The following FBXL17 variants were observed in gnomAD, a reference collection of about 807,000 sequenced individuals.
The protein encoded by FBXL17 is F-box and leucine rich repeat protein 17.
In FBXL17, 22 loss-of-function variants were observed where a neutral mutation model predicts 66.2. The ratio of observed to expected loss-of-function variants is 0.33; its 90% CI spans 0.24 to 0.47. FBXL17 has a LOEUF of 0.47. Ranked by LOEUF, FBXL17 falls within the 20% of genes least tolerant of loss-of-function variation. The pLI is 1.00. For missense variants in FBXL17, 878 were observed against 948.2 expected, an observed-to-expected ratio of 0.93 and a Z score of 0.97; for synonymous variants, 474 against 400.5, an observed-to-expected ratio of 1.18 and a Z score of -2.19.
intron 7 of FBXL17, among the ~76,000 whole-genome samples, chr5:107,980,664 A>ATATATTTTTT: frequency 3.2e-5 from 2 of 62,078 alleles, no homozygotes; most frequent in East Asian, 1.1e-3. Flanking sequence ...ATATATATAT[A>ATATATTTTTT]TTTTTTTTTT....
intron 7 of FBXL17, among the ~76,000 whole-genome samples, chr5:108,016,688 T>C (rs1468337587): frequency 6.6e-6 from 1 of 152,142 alleles, no homozygotes; most frequent in Non-Finnish European, 1.5e-5. Flanking sequence ...CAGGCCTGAG[T>C]GACACAGGTT....
intron 7 of FBXL17, among the ~76,000 whole-genome samples, chr5:107,891,563 T>C (rs1749197929): frequency 6.6e-6 from 1 of 152,088 alleles, no homozygotes; most frequent in Non-Finnish European, 1.5e-5. Context: ...GGGTTGAATT[T>C]TGAATCAATT....
chr5:107,970,628 G>A (rs754441092), intron 7 of FBXL17, among the ~76,000 whole-genome samples: 3 of 152,240 alleles, frequency 2.0e-5, no homozygotes, highest in Non-Finnish European at 2.9e-5. Flanking sequence ...CTCTCTCTGC[G>A]TGCCTGGTAG....
At chr5:107,982,254 GTACTT>G (rs1225105722) in intron 7 of FBXL17, among the ~76,000 whole-genome samples, 3 of 151,956 alleles carry the variant, frequency 2.0e-5, no homozygotes, top group Non-Finnish European at 4.4e-5. Flanking sequence ...AAGGATAACT[GTACTT>G]TAAGGTACAT....
intron 6 of FBXL17, among the ~76,000 whole-genome samples, chr5:108,116,118 AAAAAG>A (rs1750237656): frequency 6.6e-6 from 1 of 152,212 alleles, no homozygotes; most frequent in Non-Finnish European, 1.5e-5. Flanking sequence ...GTAGTAAACA[AAAAAG>A]AAAACAGAAA....
At chr5:108,138,368 ACT>A (rs560159697) in intron 6 of FBXL17, among the ~76,000 whole-genome samples, 2 of 151,820 alleles carry the variant, frequency 1.3e-5, no homozygotes, top group African/African-American at 2.4e-5. Context: ...AGAATTTAAA[ACT>A]CTCTCTCTTT....
chr5:108,254,969 C>A (rs114544891), intron 4 of FBXL17, among the ~76,000 whole-genome samples: 1 of 152,062 alleles, frequency 6.6e-6, no homozygotes, highest in Admixed American at 6.6e-5. Context: ...TACGTATCTA[C>A]GATGCTGGAA....
chr5:107,951,551 A>G (rs1337439343), intron 7 of FBXL17, among the ~76,000 whole-genome samples: 4 of 150,946 alleles, frequency 2.6e-5, no homozygotes, highest in African/African-American at 9.7e-5. Flanking sequence ...GGTGAGGGAG[A>G]AAGTCTTTTT....
chr5:108,366,588 G>A (rs767403927), intron 2 of FBXL17, among the ~76,000 whole-genome samples: 14 of 151,788 alleles, frequency 9.2e-5, no homozygotes, highest in Non-Finnish European at 2.1e-4. Context: ...TTTGGGTGGG[G>A]GAGGAAGCTA....
At chr5:108,037,169 T>C (rs142666270) in intron 6 of FBXL17, among the ~76,000 whole-genome samples, 233 of 152,316 alleles carry the variant, frequency 1.5e-3, no homozygotes, top group South Asian at 0.015. Context: ...CACCATGATA[T>C]TTATTTTACA....
chr5:107,939,784 G>C (rs750832535), intron 7 of FBXL17, among the ~76,000 whole-genome samples: 57 of 152,038 alleles, frequency 3.7e-4, no homozygotes, highest in Non-Finnish European at 6.9e-4. Context: ...AAGTCTACTA[G>C]CTCTTTCTTG....
At chr5:108,089,971 G>A (rs540052218) in intron 6 of FBXL17, among the ~76,000 whole-genome samples, 2 of 152,138 alleles carry the variant, frequency 1.3e-5, no homozygotes, top group East Asian at 3.9e-4. Flanking sequence ...GGGACTGCAG[G>A]TGTGTGCCAC....
At chr5:108,336,801 G>C (rs78159382) in intron 4 of FBXL17, among the ~76,000 whole-genome samples, 6,573 of 152,050 alleles carry the variant, frequency 0.043, 770 homozygotes, top group East Asian at 0.39. Flanking sequence ...ACTTGATATT[G>C]CTATAGAATA....
intron 7 of FBXL17, among the ~76,000 whole-genome samples, chr5:107,974,147 C>G (rs1412897650): frequency 6.6e-6 from 1 of 151,906 alleles, no homozygotes; most frequent in Non-Finnish European, 1.5e-5. Context: ...GATCAGTAAT[C>G]TAATAGTTTT....
In FBXL17 at chr5:107,932,643, G is replaced by A. The variant is rs1389301043; in HGVS notation, c.1823-51464C>T. Among the ~76,000 whole-genome samples, 5 of 151,902 alleles carry A rather than the reference G, an allele frequency of 3.3e-5. No homozygotes were observed. The East Asian group carries it at 5.8e-4, about 18-fold the overall frequency. ...CAGTCTTTCTTCTCCTTTAGCATACGGTGAAAAAATTTCAAGAATCAAAGA... is the reference window on the plus strand; with the variant it reads ...CAGTCTTTCTTCTCCTTTAGCATACAGTGAAAAAATTTCAAGAATCAAAGA... On this transcript the variant is annotated intron_variant, in intron 7 of 8. Coordinates refer to ENST00000542267, the MANE Select transcript of FBXL17 (RefSeq NM_001163315.3).
Position 108,381,386 on chromosome 5 carries a change from C to T in FBXL17, c.306G>A (p.Arg102=). The change falls in exon 1 of 9, where the codon CGG becomes CGA. Residue 102 remains arginine, a synonymous_variant. Transcript: ENST00000542267. ...AAASSSQHLA[R]RYAALAAEDC... is the part of the protein sequence containing the mutation. ...CCTCGGCGGCCAGGGCCGCGTAGCGCCGCGCCAGGTGCTGAGAGGAGGAGG... is the reference window on the plus strand; with the variant it reads ...CCTCGGCGGCCAGGGCCGCGTAGCGTCGCGCCAGGTGCTGAGAGGAGGAGG... The T allele has an allele frequency of 3.8e-6, 5 of 1,325,958 alleles. No individual in the cohort carries two copies. Among genetic ancestry groups the T allele is most frequent in the East Asian group, 3.1e-5 (1 of 32,070 alleles). The allele number at this position is 1,325,958 out of a possible 1,614,324, so 82.1% of individuals were successfully genotyped here.
chr5:107,952,718 T>C (rs1166902207), intron 7 of FBXL17, among the ~76,000 whole-genome samples: 1 of 152,240 alleles, frequency 6.6e-6, no homozygotes, highest in Non-Finnish European at 1.5e-5. Flanking sequence ...CTAGCTGAAC[T>C]ATTCAAACGG....
intron 4 of FBXL17, among the ~76,000 whole-genome samples, chr5:108,346,054 GT>G (rs1313539077): frequency 2.6e-5 from 4 of 152,014 alleles, no homozygotes; most frequent in Non-Finnish European, 5.9e-5. Context: ...TAAAATATTT[GT>G]TGTTACATTA....
chr5:108,271,444 C>A (rs1441930962), intron 4 of FBXL17, among the ~76,000 whole-genome samples: 1 of 152,100 alleles, frequency 6.6e-6, no homozygotes, highest in Non-Finnish European at 1.5e-5. Context: ...TGACACCCGG[C>A]AAAACCATAA....
Sources: allele counts gnomAD v4.1 joint callset (sites outside exome capture counted in the v4.1 genomes callset), GRCh38; gene constraint gnomAD v4.1.1; transcripts MANE v1.5; gene names NCBI Gene and HGNC (gene_info 2026-07-23, HGNC 2026-07-21).